Variants in TRAPPC10 observed in about 807,000 individuals in gnomAD.
TRAPPC10 encodes the protein trafficking protein particle complex subunit 10.
Under a neutral mutation model 125.5 loss-of-function variants are expected in TRAPPC10, and 23 were observed. That is an observed-to-expected ratio of 0.18 (90% CI 0.13 to 0.26). The LOEUF (loss-of-function observed/expected upper bound fraction) is 0.26, where lower values mean the gene tolerates loss of function less well. TRAPPC10 is among the 10% of genes least tolerant of loss of function. The pLI is 1.00. For missense variants in TRAPPC10, 1,123 were observed against 1,308.4 expected, an observed-to-expected ratio of 0.86 and a Z score of 2.19; for synonymous variants, 509 against 518.0, an observed-to-expected ratio of 0.98 and a Z score of 0.24.
intron 3 of TRAPPC10, among the ~76,000 whole-genome samples, chr21:44,047,559 T>TGTGTGTGCGC (rs1438748114): frequency 6.6e-6 from 1 of 150,826 alleles, no homozygotes; most frequent in Non-Finnish European, 1.5e-5. Flanking sequence ...TGTGTGTGTG[T>TGTGTGTGCGC]GTGTGTGCGC....
intron 11 of TRAPPC10, among the ~76,000 whole-genome samples, chr21:44,078,490 T>C (rs2037445741): frequency 6.6e-6 from 1 of 151,150 alleles, no homozygotes; most frequent in South Asian, 2.1e-4. Context: ...AAATCTGTAC[T>C]CAAGTGATTT....
At chr21:44,061,449 A>G (rs1163709680) in intron 6 of TRAPPC10, among the ~76,000 whole-genome samples, 3 of 144,934 alleles carry the variant, frequency 2.1e-5, no homozygotes, top group African/African-American at 7.8e-5. Context: ...TTTTATTTTT[A>G]GTAGAGTTGG....
At chr21:44,032,684 C>T (rs766066949) in intron 2 of TRAPPC10, among the ~76,000 whole-genome samples, 15 of 152,128 alleles carry the variant, frequency 9.9e-5, no homozygotes, top group Non-Finnish European at 1.6e-4. Context: ...GCCCAGACTA[C>T]GATGGTTTTT....
intron 2 of TRAPPC10, among the ~76,000 whole-genome samples, chr21:44,032,791 A>G (rs1469031923): frequency 6.6e-6 from 1 of 152,196 alleles, no homozygotes; most frequent in East Asian, 1.9e-4. Context: ...GTTGACCAGA[A>G]TGTCTTAAAG....
At chr21:44,013,627 C>T (rs2147093283) in intron 1 of TRAPPC10, among the ~76,000 whole-genome samples, 1 of 152,284 alleles carries the variant, frequency 6.6e-6, no homozygotes, top group South Asian at 2.1e-4. Context: ...CCCTGAGAAA[C>T]TGTATATTGA....
rs1282858083 is a variant in TRAPPC10, at chr21:44,086,684, C to T, written c.2381-118C>T. Reference sequence around the variant, plus strand: ...GGAAGTAGAAGGAATTCATGGAGATCCCAAAGGAGCAAATCTTTCATAGTA... The same window carrying T: ...GGAAGTAGAAGGAATTCATGGAGATTCCAAAGGAGCAAATCTTTCATAGTA... On this transcript the variant is annotated intron_variant, in intron 15 of 22. Coordinates refer to ENST00000291574, the MANE Select transcript of TRAPPC10 (RefSeq NM_003274.5). 1.7e-5 allele frequency: 19 copies of T among 1,134,826 alleles called. No individual in the cohort carries two copies. The South Asian group carries it at 2.3e-4, about 14-fold the overall frequency. 70.3% of individuals were successfully genotyped at this position (1,134,826 alleles called of 1,614,324 possible).
chr21:44,012,923 C>G (rs1569130791), intron 1 of TRAPPC10, among the ~76,000 whole-genome samples: 1 of 152,108 alleles, frequency 6.6e-6, no homozygotes, highest in Non-Finnish European at 1.5e-5. Flanking sequence ...CCTGGGGGCC[C>G]CGGCCTCTTC....
chr21:44,015,497 A>T (rs1035305778), intron 1 of TRAPPC10, among the ~76,000 whole-genome samples: 1 of 152,146 alleles, frequency 6.6e-6, no homozygotes, highest in African/African-American at 2.4e-5. Flanking sequence ...AGCCGACTGC[A>T]GCCTTGCTGG....
intron 1 of TRAPPC10, among the ~76,000 whole-genome samples, chr21:44,019,472 C>G (rs1464681631): frequency 6.6e-6 from 1 of 152,188 alleles, no homozygotes; most frequent in Non-Finnish European, 1.5e-5. Context: ...TCAAATCTTT[C>G]CTCTATCTGC....
intron 3 of TRAPPC10, among the ~76,000 whole-genome samples, chr21:44,049,346 C>G (rs977072253): frequency 1.3e-5 from 2 of 152,184 alleles, no homozygotes; most frequent in African/African-American, 4.8e-5. Context: ...GGCACTGGTT[C>G]TCCTCTGTGT....
At chr21:44,077,901 C>T (rs747112109) in intron 11 of TRAPPC10, 117 bp downstream of exon 11, 9 of 662,116 alleles carry the variant, frequency 1.4e-5, no homozygotes, top group Admixed American at 1.1e-4. Context: ...AGTGTAGATT[C>T]TCTTACCCAG....
chr21:44,062,497 C>T (rs2036132090), intron 6 of TRAPPC10: 2 of 979,302 alleles, frequency 2.0e-6, no homozygotes, highest in Non-Finnish European at 2.4e-6. Flanking sequence ...GGCACTGGCA[C>T]AGAGGCCTGA....
chr21:44,094,687 T>G (rs180727299), intron 20 of TRAPPC10, among the ~76,000 whole-genome samples: 64 of 152,354 alleles, frequency 4.2e-4, no homozygotes, highest in African/African-American at 1.5e-3. Context: ...TGTGCATCAT[T>G]TGGTAGAAGC....
Position 44,082,772 on chromosome 21 carries a change from T to C in TRAPPC10, c.1724-16T>C. On this transcript the variant is annotated splice_polypyrimidine_tract_variant and intron_variant, in intron 13 of 22. Coordinates refer to ENST00000291574, the MANE Select transcript of TRAPPC10 (RefSeq NM_003274.5). The surrounding 1 kb of genome is among the most constrained non-coding windows in gnomAD (Gnocchi z 4.4). ...GTGTGACTTGGGGAGTCACTTACGA[T>C]AATGTCTATTTACAGGTCATAAGAT... is the stretch of plus-strand genomic sequence containing the variant. The C allele has an allele frequency of 6.2e-7, 1 of 1,611,074 alleles. No individual in the cohort carries two copies.
intron 7 of TRAPPC10, among the ~76,000 whole-genome samples, chr21:44,071,188 T>C (rs1413162844): frequency 1.3e-5 from 2 of 152,200 alleles, no homozygotes; most frequent in African/African-American, 2.4e-5. Context: ...AAGGAATTGA[T>C]GGTGGCCGAA....
chr21:44,012,699 C>T (rs895651762), intron 1 of TRAPPC10, 139 bp downstream of exon 1: 14 of 688,842 alleles, frequency 2.0e-5, no homozygotes, highest in African/African-American at 1.9e-4. Flanking sequence ...ACCAGGGCTG[C>T]GGCTGAGGCG....
intron 1 of TRAPPC10, among the ~76,000 whole-genome samples, chr21:44,020,049 C>T (rs1489783224): frequency 6.6e-6 from 1 of 151,128 alleles, no homozygotes; most frequent in Non-Finnish European, 1.5e-5. Flanking sequence ...ATTTTAGGCC[C>T]CTGTTTGCAA....
chr21:44,042,665 C>T (rs1473040317), intron 3 of TRAPPC10, among the ~76,000 whole-genome samples: 1 of 152,056 alleles, frequency 6.6e-6, no homozygotes, highest in African/African-American at 2.4e-5. Flanking sequence ...TTGTTTAGGT[C>T]ATTTATATTT....
At chr21:44,041,809 C>G (rs1190361151) in intron 3 of TRAPPC10, among the ~76,000 whole-genome samples, 1 of 152,178 alleles carries the variant, frequency 6.6e-6, no homozygotes, top group African/African-American at 2.4e-5. Flanking sequence ...TCACTGCAAC[C>G]TCTGCCTCCC....
Sources: allele counts gnomAD v4.1 joint callset (sites outside exome capture counted in the v4.1 genomes callset), GRCh38; gene constraint gnomAD v4.1.1; non-coding constraint Gnocchi (gnomAD v3.1); transcripts MANE v1.5; gene names NCBI Gene and HGNC (gene_info 2026-07-23, HGNC 2026-07-21).